Variants in STXBP4 observed in about 807,000 individuals in gnomAD.
The protein encoded by STXBP4 is syntaxin-binding protein 4.
Under a neutral mutation model 76.1 loss-of-function variants are expected in STXBP4, and 55 were observed. The ratio of observed to expected loss-of-function variants is 0.72; its 90% CI spans 0.58 to 0.91. The LOEUF (loss-of-function observed/expected upper bound fraction) is 0.91, where lower values mean the gene tolerates loss of function less well. Among genes scored for constraint, STXBP4 ranks in the 40% least tolerant of loss-of-function variants. The pLI is 0.00. For synonymous variants in STXBP4, 201 were observed against 220.2 expected, an observed-to-expected ratio of 0.91 and a Z score of 0.77; for missense variants, 618 against 636.9, an observed-to-expected ratio of 0.97 and a Z score of 0.32.
chr17:55,146,711 C>T (rs1276767609), intron 17 of STXBP4, among the ~76,000 whole-genome samples: 9 of 143,202 alleles, frequency 6.3e-5, no homozygotes, highest in African/African-American at 1.1e-4. Context: ...AGCGAGACTC[C>T]GTCTCAAAAA....
intron 8 of STXBP4, 148 bp from the exon 9 acceptor site, chr17:55,031,020 C>T (rs957525555): frequency 1.8e-6 from 1 of 562,902 alleles, no homozygotes; most frequent in South Asian, 2.4e-5. Flanking sequence ...GGCACTTAAT[C>T]CATAAAGAGC....
intron 8 of STXBP4, among the ~76,000 whole-genome samples, chr17:55,011,508 C>CTTTTTTTTTTT (rs3080154): frequency 0.016 from 1,407 of 85,636 alleles, 45 homozygotes; most frequent in Non-Finnish European, 0.02. Flanking sequence ...TTTTCTTTTT[C>CTTTTTTTTTTT]TTTTTTTTTT....
chr17:55,007,266 G>A (rs2078025959), intron 7 of STXBP4, among the ~76,000 whole-genome samples: 2 of 151,620 alleles, frequency 1.3e-5, no homozygotes. Flanking sequence ...TTGAACCCGG[G>A]AGGCAGACAT....
chr17:55,091,355 A>AT (rs926681726), intron 16 of STXBP4, among the ~76,000 whole-genome samples: 3 of 151,552 alleles, frequency 2.0e-5, no homozygotes, highest in South Asian at 2.1e-4. Context: ...ACCTGTTACT[A>AT]TTTTTTTTGC....
Position 55,164,607 on chromosome 17 carries a change from C to T in STXBP4, c.*4696C>T, listed in dbSNP as rs887460234. 1.3e-5 allele frequency: 2 copies of T among 150,928 alleles called. No homozygotes were observed. The highest frequency in any genetic ancestry group is 1.9e-4 in the East Asian group (1 of 5,180). The allele number at this position is 150,928 out of a possible 1,614,324, so 9.3% of individuals were successfully genotyped here. A position where few individuals can be genotyped will look rare whatever the true frequency, so the allele number is the denominator to read the frequency against. On this transcript the variant is annotated 3_prime_UTR_variant, in exon 18 of 18. Coordinates refer to ENST00000376352, the MANE Select transcript of STXBP4 (RefSeq NM_178509.6). The stretch of plus-strand genomic sequence containing the variant: ...CTGGGACTACAGGCGCCCGCCACCG[C>T]GCCCGGCTAATTTTTTTTGTATTTT...
intron 1 of STXBP4, among the ~76,000 whole-genome samples, chr17:54,971,268 G>C (rs2098805822): frequency 6.6e-6 from 1 of 152,154 alleles, no homozygotes; most frequent in Non-Finnish European, 1.5e-5. Context: ...ACCATATGTA[G>C]TCAGCTTGGA....
At chr17:55,198,283 G>A in the STXBP4 span, among the ~76,000 whole-genome samples, 2 of 152,170 alleles carry the variant, frequency 1.3e-5, no homozygotes, top group Non-Finnish European at 2.9e-5. Flanking sequence ...GTAGCCTCTG[G>A]TCCTTTTGTT....
intron 16 of STXBP4, among the ~76,000 whole-genome samples, chr17:55,112,159 A>G (rs138996134): frequency 2.0e-5 from 3 of 151,836 alleles, no homozygotes; most frequent in African/African-American, 7.2e-5. Context: ...GCCTTAAGTG[A>G]TCCTCCCACC....
chr17:55,049,124 A>C (rs938267375), intron 12 of STXBP4, among the ~76,000 whole-genome samples: 22 of 152,152 alleles, frequency 1.4e-4, no homozygotes, highest in Middle Eastern at 3.4e-3. Context: ...AAGGAAAGAA[A>C]GAAAGTATAC....
At chr17:55,185,165 G>A in the STXBP4 span, among the ~76,000 whole-genome samples, 1 of 150,228 alleles carries the variant, frequency 6.7e-6, no homozygotes, top group Non-Finnish European at 1.5e-5. Context: ...ACCACCACCT[G>A]GCCACTATTT....
intron 12 of STXBP4, among the ~76,000 whole-genome samples, chr17:55,050,900 T>C (rs1035928788): frequency 6.6e-6 from 1 of 151,982 alleles, no homozygotes; most frequent in Non-Finnish European, 1.5e-5. Flanking sequence ...ACTCCTGACC[T>C]CAGGTGATCT....
At chr17:55,199,998 C>A in the STXBP4 span, among the ~76,000 whole-genome samples, 1 of 152,252 alleles carries the variant, frequency 6.6e-6, no homozygotes, top group Non-Finnish European at 1.5e-5. Context: ...CTTCCTCGGT[C>A]ATATCTATCT....
intron 16 of STXBP4, among the ~76,000 whole-genome samples, chr17:55,115,799 G>C (rs2079774127): frequency 6.6e-6 from 1 of 151,810 alleles, no homozygotes; most frequent in African/African-American, 2.4e-5. Flanking sequence ...TGAATAATAG[G>C]AACATTTGTT....
At chr17:55,109,355 T>G (rs1025831052) in intron 16 of STXBP4, among the ~76,000 whole-genome samples, 15 of 152,114 alleles carry the variant, frequency 9.9e-5, no homozygotes, top group African/African-American at 3.6e-4. Flanking sequence ...AAATGTCAAG[T>G]ATTCATTAAT....
intron 16 of STXBP4, among the ~76,000 whole-genome samples, chr17:55,109,020 C>T (rs1002083056): frequency 1.3e-5 from 2 of 152,048 alleles, no homozygotes; most frequent in African/African-American, 2.4e-5. Flanking sequence ...CTTTTACTGT[C>T]GATTTCAGAT....
the STXBP4 span, among the ~76,000 whole-genome samples, chr17:55,185,378 C>T: frequency 1.3e-5 from 2 of 150,562 alleles, no homozygotes; most frequent in Admixed American, 6.7e-5. Context: ...TCTTCTTCTT[C>T]TTCTCATACT....
chr17:55,036,394 A>G (rs1840289738), intron 10 of STXBP4, among the ~76,000 whole-genome samples: 1 of 133,088 alleles, frequency 7.5e-6, no homozygotes, highest in African/African-American at 2.5e-5. Context: ...ATATTTTAAT[A>G]ATCTAGTCAC....
chr17:55,205,439 G>A, the STXBP4 span, among the ~76,000 whole-genome samples: 1 of 152,016 alleles, frequency 6.6e-6, no homozygotes, highest in African/African-American at 2.4e-5. Context: ...TGACAGATTT[G>A]TCTACATTAT....
At chr17:55,078,783 T>A in intron 15 of STXBP4, 48 bp downstream of exon 15, 1 of 1,025,822 alleles carries the variant, frequency 9.7e-7, no homozygotes, top group Non-Finnish European at 1.5e-6. Context: ...GTGATTAAAT[T>A]CTTCATCTGG....
Sources: gnomAD v4.1 joint callset for allele counts (sites outside exome capture counted in the v4.1 genomes callset) on GRCh38, gnomAD v4.1.1 for gene constraint, MANE v1.5 for transcripts, NCBI Gene and HGNC (gene_info 2026-07-23, HGNC 2026-07-21) for gene names.